ITGB8: variants seen among roughly 807,000 people sequenced by gnomAD.
ITGB8 encodes integrin beta-8.
In ITGB8, 30 loss-of-function variants were observed where a neutral mutation model predicts 89.5. The observed-to-expected ratio is 0.34, with a 90% CI of 0.25 to 0.45. ITGB8 has a LOEUF of 0.45. Ranked by LOEUF, ITGB8 falls within the 20% of genes least tolerant of loss-of-function variation. The pLI, the probability that ITGB8 is intolerant of heterozygous loss-of-function variation, is 1.00. For synonymous variants in ITGB8, 335 were observed against 320.4 expected (o/e 1.05, Z -0.49); for missense variants, 836 against 933.3 (o/e 0.90, Z 1.36).
Position 20,381,771 on chromosome 7 carries a change from G to A in ITGB8, c.846G>A (p.Val282=), listed in dbSNP as rs1786406611. The change falls in exon 6 of 14, where the codon GTG becomes GTA. Residue 282 remains valine (V), a synonymous_variant. Transcript: ENST00000222573. ...AAGAGGCTAAAAGATTGCTGCTGGT[G>A]ATGACAGATCAGACGTCTCATCTCG... ...WRKEAKRLLL[V]MTDQTSHLAL... 6.2e-7 allele frequency: 1 copy of A among 1,613,810 alleles called. No homozygotes were observed. The highest frequency in any genetic ancestry group is 8.5e-7 in the Non-Finnish European group (1 of 1,179,820).
intron 10 of ITGB8, 98 bp from the exon 11 acceptor site, chr7:20,404,530 G>A: frequency 1.1e-6 from 1 of 950,816 alleles, no homozygotes; most frequent in East Asian, 2.6e-5. Flanking sequence ...TGGACTGTCA[G>A]TGCGTTTCCA....
intron 1 of ITGB8, among the ~76,000 whole-genome samples, chr7:20,352,000 C>T (rs1461682313): frequency 6.6e-6 from 1 of 152,132 alleles, no homozygotes. Flanking sequence ...GAGGAACAGA[C>T]TGGGAAACCA....
chr7:20,333,354 A>G (rs889412101), intron 1 of ITGB8, among the ~76,000 whole-genome samples: 4 of 152,176 alleles, frequency 2.6e-5, no homozygotes, highest in Non-Finnish European at 5.9e-5. Context: ...ATTATCAGTT[A>G]TCTCTTAAAT....
chr7:20,361,393 A>G (rs144301388), intron 1 of ITGB8, among the ~76,000 whole-genome samples: 1 of 152,334 alleles, frequency 6.6e-6, no homozygotes, highest in African/African-American at 2.4e-5. Context: ...CAAACAATAC[A>G]AATTTCCTTC....
intron 3 of ITGB8, among the ~76,000 whole-genome samples, chr7:20,369,909 A>G (rs1475578853): frequency 6.6e-6 from 1 of 152,130 alleles, no homozygotes; most frequent in African/African-American, 2.4e-5. Flanking sequence ...TAGCAGTAAC[A>G]AACACTTCAA....
intron 1 of ITGB8, among the ~76,000 whole-genome samples, chr7:20,345,274 T>G (rs968271085): frequency 6.6e-6 from 1 of 152,132 alleles, no homozygotes; most frequent in African/African-American, 2.4e-5. Context: ...AATTATTTAA[T>G]AAATATTTTT....
At chr7:20,402,304 T>A (rs1787346032) in intron 10 of ITGB8, among the ~76,000 whole-genome samples, 178 bp downstream of exon 10, 1 of 152,258 alleles carries the variant, frequency 6.6e-6, no homozygotes, top group African/African-American at 2.4e-5. Context: ...GTGATTTTGA[T>A]ATTTATATCT....
At chr7:20,376,075 C>A (rs1786130858) in intron 3 of ITGB8, among the ~76,000 whole-genome samples, 1 of 152,100 alleles carries the variant, frequency 6.6e-6, no homozygotes, top group Non-Finnish European at 1.5e-5. Flanking sequence ...CCTTCCCCTC[C>A]CTAACATTTC....
intron 1 of ITGB8, among the ~76,000 whole-genome samples, chr7:20,336,000 CTTTTTTTT>C (rs201113693): frequency 4.1e-5 from 4 of 96,400 alleles, no homozygotes; most frequent in Non-Finnish European, 7.6e-5. Context: ...TCTTGGTTTT[CTTTTTTTT>C]TTTTTTTTTT....
chr7:20,380,954 T>C, intron 5 of ITGB8, 123 bp downstream of exon 5: 3 of 792,824 alleles, frequency 3.8e-6, no homozygotes, highest in Non-Finnish European at 6.1e-6. Context: ...TATCTTACTA[T>C]CTCTTACTCC....
intron 5 of ITGB8, 67 bp downstream of exon 5, chr7:20,380,898 TTTTCTC>T: frequency 7.3e-7 from 1 of 1,366,864 alleles, no homozygotes; most frequent in Non-Finnish European, 1.0e-6. Context: ...AGACGTTTTA[TTTTCTC>T]TTTGATTTGT....
At chr7:20,355,684 G>A (rs192084702) in intron 1 of ITGB8, among the ~76,000 whole-genome samples, 22 of 152,262 alleles carry the variant, frequency 1.4e-4, no homozygotes, top group African/African-American at 3.6e-4. Flanking sequence ...CATTTCCATG[G>A]TCTGAATGCT....
chr7:20,369,154 C>A (rs1291399187), intron 3 of ITGB8, among the ~76,000 whole-genome samples: 2 of 152,116 alleles, frequency 1.3e-5, no homozygotes, highest in Non-Finnish European at 2.9e-5. Context: ...TTTCCTTCAA[C>A]AGGATTTTCA....
intron 3 of ITGB8, among the ~76,000 whole-genome samples, chr7:20,378,515 AC>A (rs1178945182): frequency 6.6e-6 from 1 of 152,232 alleles, no homozygotes; most frequent in African/African-American, 2.4e-5. Flanking sequence ...AGCTTGCTGT[AC>A]TACACAGTAC....
chr7:20,362,397 T>C (rs1785538857), intron 1 of ITGB8, among the ~76,000 whole-genome samples: 1 of 152,160 alleles, frequency 6.6e-6, no homozygotes. Context: ...ATGTAATACA[T>C]TTTTTAAAGG....
chr7:20,370,595 A>T (rs1294842734), intron 3 of ITGB8, among the ~76,000 whole-genome samples: 11 of 89,688 alleles, frequency 1.2e-4, no homozygotes, highest in African/African-American at 5.4e-4. Context: ...TTATTTATTT[A>T]CTTATTTATT....
intron 1 of ITGB8, among the ~76,000 whole-genome samples, chr7:20,359,922 T>C (rs1785436118): frequency 6.6e-6 from 1 of 152,196 alleles, no homozygotes; most frequent in African/African-American, 2.4e-5. Context: ...TGTTTGACAC[T>C]CTTCCCATGC....
At chr7:20,406,449 C>T (rs1435698141) in intron 12 of ITGB8, among the ~76,000 whole-genome samples, 1 of 151,664 alleles carries the variant, frequency 6.6e-6, no homozygotes, top group Non-Finnish European at 1.5e-5. Context: ...ACTCAGGAGG[C>T]ATAGGCAGGA....
At chr7:20,376,825 G>C (rs954395518) in intron 3 of ITGB8, among the ~76,000 whole-genome samples, 1 of 152,132 alleles carries the variant, frequency 6.6e-6, no homozygotes, top group African/African-American at 2.4e-5. Flanking sequence ...CCTGTGTATG[G>C]AAATACTCTT....
Sources: allele counts gnomAD v4.1 joint callset (sites outside exome capture counted in the v4.1 genomes callset), GRCh38; gene constraint gnomAD v4.1.1; transcripts MANE v1.5; gene names NCBI Gene and HGNC (gene_info 2026-07-23, HGNC 2026-07-21).